CPNE4: variants seen among roughly 807,000 people sequenced by gnomAD.
The protein encoded by CPNE4 is copine 4.
CPNE4 carries 25 observed loss-of-function variants against 67.9 expected under a neutral mutation model. The observed-to-expected ratio is 0.37, with a 90% CI of 0.27 to 0.51. CPNE4 has a LOEUF of 0.51. Among genes scored for constraint, CPNE4 ranks in the 20% least tolerant of loss-of-function variants. The pLI is 0.93. For missense variants in CPNE4, 464 were observed against 690.8 expected (o/e 0.67, Z 3.68); for synonymous variants, 242 against 244.9 (o/e 0.99, Z 0.11).
At chr3:131,957,666 T>C (rs542394664) in intron 1 of CPNE4, among the ~76,000 whole-genome samples, 1 of 152,302 alleles carries the variant, frequency 6.6e-6, no homozygotes, top group African/African-American at 2.4e-5. Context: ...ACTCACCAAG[T>C]ATTCGTTCAG....
At chr3:131,603,083 C>A (rs1304183286) in intron 7 of CPNE4, among the ~76,000 whole-genome samples, 1 of 152,126 alleles carries the variant, frequency 6.6e-6, no homozygotes, top group Non-Finnish European at 1.5e-5. Context: ...TATATCTCCA[C>A]CTGTCTGTAT....
At chr3:131,777,114 T>C (rs2083310014) in intron 2 of CPNE4, among the ~76,000 whole-genome samples, 2 of 152,222 alleles carry the variant, frequency 1.3e-5, no homozygotes, top group Admixed American at 1.3e-4. Context: ...CAAGATGCAA[T>C]CTAAACAGCA....
chr3:131,873,098 G>T (rs1200452019), intron 2 of CPNE4, among the ~76,000 whole-genome samples: 7 of 152,170 alleles, frequency 4.6e-5, no homozygotes. Flanking sequence ...TTAATGAAAA[G>T]ATAGCTCTTA....
chr3:131,539,676 A>C (rs1245238026), intron 15 of CPNE4, among the ~76,000 whole-genome samples: 1 of 152,160 alleles, frequency 6.6e-6, no homozygotes, highest in Admixed American at 6.5e-5. Context: ...ACATTGTGTC[A>C]GCACACAAGT....
intron 3 of CPNE4, among the ~76,000 whole-genome samples, chr3:131,721,335 C>A (rs1294472321): frequency 3.3e-5 from 4 of 119,786 alleles, no homozygotes; most frequent in African/African-American, 1.3e-4. Context: ...ATTATCAAAG[C>A]TTTGGACCAA....
intron 2 of CPNE4, among the ~76,000 whole-genome samples, chr3:131,745,331 A>G (rs1189085564): frequency 6.6e-6 from 1 of 152,122 alleles, no homozygotes. Flanking sequence ...GTACTGTTAC[A>G]TATGTGGTCT....
chr3:131,574,741 C>T (rs1191960412), intron 10 of CPNE4, among the ~76,000 whole-genome samples: 3 of 152,102 alleles, frequency 2.0e-5, no homozygotes, highest in Non-Finnish European at 4.4e-5. Flanking sequence ...TTCAATTTTT[C>T]TCACCAGGTG....
chr3:131,729,614 T>C (rs1157495296), intron 2 of CPNE4, among the ~76,000 whole-genome samples: 1 of 152,240 alleles, frequency 6.6e-6, no homozygotes, highest in Non-Finnish European at 1.5e-5. Context: ...ATGGTTTTAA[T>C]TTTCAATTTA....
intron 2 of CPNE4, among the ~76,000 whole-genome samples, chr3:131,829,005 T>C (rs573476490): frequency 7.9e-5 from 12 of 152,304 alleles, no homozygotes; most frequent in African/African-American, 2.9e-4. Context: ...AGGTTCCACA[T>C]AGCAGGGGAG....
chr3:131,587,462 C>A (rs1276732958), intron 8 of CPNE4, 22 bp downstream of exon 8: 13 of 1,593,122 alleles, frequency 8.2e-6, no homozygotes, highest in African/African-American at 2.7e-5. Flanking sequence ...GGAGGCAAAA[C>A]CAAAAGTGGT....
At chr3:131,773,714 C>A (rs1399371416) in intron 2 of CPNE4, among the ~76,000 whole-genome samples, 1 of 152,088 alleles carries the variant, frequency 6.6e-6, no homozygotes, top group Non-Finnish European at 1.5e-5. Context: ...GCACATATAG[C>A]CACTATAGAA....
intron 2 of CPNE4, among the ~76,000 whole-genome samples, chr3:131,800,315 C>T (rs1185775415): frequency 6.6e-6 from 1 of 152,116 alleles, no homozygotes; most frequent in Non-Finnish European, 1.5e-5. Flanking sequence ...GTTCTCCTAA[C>T]ACCTAATAAT....
chr3:131,960,542 G>A (rs919368023), intron 1 of CPNE4, among the ~76,000 whole-genome samples: 5 of 152,152 alleles, frequency 3.3e-5, no homozygotes, highest in African/African-American at 1.2e-4. Flanking sequence ...TAATCATATA[G>A]AGCCTGTTAC....
chr3:131,564,133 C>T, intron 11 of CPNE4, 83 bp downstream of exon 11: 1 of 1,546,700 alleles, frequency 6.5e-7, no homozygotes, highest in South Asian at 1.1e-5. Flanking sequence ...GACTTAATTT[C>T]CACTTTCTGC....
At position 132,025,398 on chromosome 3, in the gene CPNE4, G is replaced by C. The variant is rs558207082; in HGVS notation, c.-2+9169C>G. On this transcript the variant is annotated intron_variant, in intron 1 of 15. Transcript: ENST00000429747. ...TAGAAACAGAGGAAGTTTTATCTTA[G>C]AGAAACTCCAGCATAACGCTTGAGT... is the stretch of plus-strand genomic sequence containing the variant. Among the ~76,000 whole-genome samples, 163 of 152,276 alleles carry C rather than the reference G, an allele frequency of 1.1e-3. 1 individual carries two copies. Among genetic ancestry groups the C allele is most frequent in the African/African-American group, 3.7e-3 (153 of 41,554 alleles).
At chr3:131,580,259 T>G (rs1456248812) in intron 9 of CPNE4, among the ~76,000 whole-genome samples, 1 of 152,202 alleles carries the variant, frequency 6.6e-6, no homozygotes, top group Non-Finnish European at 1.5e-5. Flanking sequence ...ATAATGCTAT[T>G]GTATACTTAA....
At chr3:131,967,870 G>A (rs1225064) in intron 1 of CPNE4, among the ~76,000 whole-genome samples, 86,512 of 151,864 alleles carry the variant, frequency 0.57, 25,770 homozygotes, top group African/African-American at 0.75. Context: ...AAAATTTCAT[G>A]TGGAACCAAA....
At chr3:131,997,618 T>A (rs1242733396) in intron 1 of CPNE4, among the ~76,000 whole-genome samples, 1 of 152,180 alleles carries the variant, frequency 6.6e-6, no homozygotes, top group African/African-American at 2.4e-5. Flanking sequence ...TTAATGTAAC[T>A]AATGTACAGC....
At chr3:131,839,829 T>C (rs969604793) in intron 2 of CPNE4, among the ~76,000 whole-genome samples, 1 of 152,152 alleles carries the variant, frequency 6.6e-6, no homozygotes, top group African/African-American at 2.4e-5. Context: ...AGGCAGATTG[T>C]TAAAATATTC....
Sources: gnomAD v4.1 joint callset for allele counts (sites outside exome capture counted in the v4.1 genomes callset) on GRCh38, gnomAD v4.1.1 for gene constraint, MANE v1.5 for transcripts, NCBI Gene and HGNC (gene_info 2026-07-23, HGNC 2026-07-21) for gene names.